Variants in ESR1 observed in about 807,000 individuals in gnomAD.
The protein encoded by ESR1 is estrogen receptor 1.
ESR1 carries 12 observed loss-of-function variants against 52.7 expected under a neutral mutation model. The observed-to-expected ratio is 0.23, with a 90% CI of 0.15 to 0.37. The LOEUF (loss-of-function observed/expected upper bound fraction) is 0.37. Among genes scored for constraint, ESR1 ranks in the 10% least tolerant of loss-of-function variants. The pLI, the probability that ESR1 is intolerant of heterozygous loss-of-function variation, is 1.00. For missense variants in ESR1, 584 were observed against 779.7 expected (o/e 0.75, Z 2.99); for synonymous variants, 305 against 316.8 (o/e 0.96, Z 0.39).
chr6:151,727,507 C>A (rs1481829111), intron 2 of ESR1, among the ~76,000 whole-genome samples: 2 of 152,118 alleles, frequency 1.3e-5, no homozygotes, highest in African/African-American at 4.8e-5. Flanking sequence ...TGGCTGGATT[C>A]ATTAATTTTC....
intron 6 of ESR1, among the ~76,000 whole-genome samples, chr6:152,121,457 A>G (rs1036861382): frequency 6.6e-6 from 1 of 152,168 alleles, no homozygotes; most frequent in African/African-American, 2.4e-5. Context: ...GGAAACAAGA[A>G]TTCAGGAGAT....
intron 2 of ESR1, among the ~76,000 whole-genome samples, chr6:151,848,576 T>C (rs183002062): frequency 2.6e-5 from 4 of 152,258 alleles, no homozygotes; most frequent in Admixed American, 2.6e-4. Context: ...TACATTTATT[T>C]TCATAGTTGT....
downstream of ESR1, among the ~76,000 whole-genome samples, chr6:152,105,019 G>T (rs1018619121): frequency 6.6e-6 from 1 of 152,180 alleles, no homozygotes; most frequent in Non-Finnish European, 1.5e-5. Flanking sequence ...TTCTAGGTTG[G>T]TGAACACTTG....
At chr6:152,103,980 C>CTTT (rs369261779), downstream of ESR1, among the ~76,000 whole-genome samples, 348 of 93,846 alleles carry the variant, frequency 3.7e-3, 9 homozygotes, top group East Asian at 0.015. Flanking sequence ...TTCATTCTAC[C>CTTT]TTTTTTTTTT....
upstream of ESR1, chr6:151,807,620 C>G: frequency 1.8e-6 from 1 of 549,320 alleles, no homozygotes; most frequent in Non-Finnish European, 3.3e-6. Context: ...TCCTCCAGCA[C>G]CTTTGTAATG....
rs115152900 is a variant in ESR1, at chr6:151,737,120, A to C, written c.-71+35115A>C. On this transcript the variant is annotated intron_variant, in intron 2 of 2. Coordinates refer to the ESR1 transcript ENST00000404742. ...GTATGTTCCCAGACCAAAAATTATT[A>C]TTCTTCCCCATGCTTTTTTTCAGCT... Among the ~76,000 whole-genome samples, 768 of 152,210 alleles carry C rather than the reference A, an allele frequency of 5.0e-3. 7 individuals are homozygous for C. Among genetic ancestry groups the C allele is most frequent in the African/African-American group, 0.018 (730 of 41,526 alleles).
At chr6:151,885,327 G>A (rs1793661001) in intron 3 of ESR1, among the ~76,000 whole-genome samples, 1 of 152,132 alleles carries the variant, frequency 6.6e-6, no homozygotes. Flanking sequence ...TGATCAGAAT[G>A]GGAGTCTAGA....
intron 6 of ESR1, among the ~76,000 whole-genome samples, chr6:152,109,693 TAAC>T (rs1285197755): frequency 1.3e-5 from 2 of 152,008 alleles, no homozygotes; most frequent in Admixed American, 1.3e-4. Flanking sequence ...TCTCAAACGA[TAAC>T]AACAACAACA....
chr6:152,080,780 C>T (rs918458020), intron 6 of ESR1, among the ~76,000 whole-genome samples: 1 of 150,464 alleles, frequency 6.6e-6, no homozygotes, highest in East Asian at 2.0e-4. Flanking sequence ...CACATAGGCT[C>T]AAAATAAAGG....
chr6:151,865,022 G>C (rs887051647), intron 2 of ESR1, among the ~76,000 whole-genome samples: 1 of 151,988 alleles, frequency 6.6e-6, no homozygotes, highest in Non-Finnish European at 1.5e-5. Flanking sequence ...CACCAACATG[G>C]CACATGTATA....
chr6:151,899,398 G>A (rs1431874133), intron 3 of ESR1, among the ~76,000 whole-genome samples: 5 of 131,736 alleles, frequency 3.8e-5, no homozygotes, highest in African/African-American at 6.2e-5. Flanking sequence ...CGGGCAGAGG[G>A]GCTCCTCACT....
At chr6:151,698,119 A>G (rs1313771842) in intron 1 of ESR1, among the ~76,000 whole-genome samples, 1 of 151,928 alleles carries the variant, frequency 6.6e-6, no homozygotes, top group Non-Finnish European at 1.5e-5. Context: ...TAATCCTAGC[A>G]CTTTGGGAGG....
At position 151,808,376 on chromosome 6, in the gene ESR1, C is replaced by T. The variant is rs1408523209; in HGVS notation, c.452+12C>T. 2 of 1,317,480 alleles carry T rather than the reference C, an allele frequency of 1.5e-6. No homozygotes were observed. The highest frequency in any genetic ancestry group is 3.3e-5 in the East Asian group (1 of 30,532). 81.6% of individuals were successfully genotyped at this position (1,317,480 alleles called of 1,614,324 possible). On this transcript the variant is annotated intron_variant, in intron 1 of 7. Coordinates refer to ENST00000206249, the MANE Select transcript of ESR1 (RefSeq NM_000125.4). ...CCGGCATTCTACAGGTACCCGCGCCCGCGCCGCCCGTCGGGGTGGCCGCCG... is the reference window on the plus strand; with the variant it reads ...CCGGCATTCTACAGGTACCCGCGCCTGCGCCGCCCGTCGGGGTGGCCGCCG...
rs191272579 is a variant in ESR1 at position 152,006,547 on chromosome 6, A to G, written c.1097-5109A>G. On this transcript the variant is annotated intron_variant, in intron 4 of 7. Coordinates refer to ENST00000206249, the MANE Select transcript of ESR1 (RefSeq NM_000125.4). ...ACAGGAGTCTAGTTCTTCTGATACT[A>G]TATATTCTATAAGCTTTCTCCCAGA... Among the ~76,000 whole-genome samples, 3 of 152,156 alleles carry G rather than the reference A, an allele frequency of 2.0e-5. No individual in the cohort carries two copies. The East Asian group carries it at 5.8e-4, about 29-fold the overall frequency.
chr6:151,740,546 T>C (rs766994946), intron 2 of ESR1, among the ~76,000 whole-genome samples: 1 of 152,030 alleles, frequency 6.6e-6, no homozygotes, highest in Non-Finnish European at 1.5e-5. Flanking sequence ...TACCTCAGCA[T>C]TTTTTCCTCT....
chr6:152,084,114 C>T (rs1462876641), intron 6 of ESR1, among the ~76,000 whole-genome samples: 2 of 152,188 alleles, frequency 1.3e-5, no homozygotes, highest in Non-Finnish European at 2.9e-5. Context: ...GAGTTCCTGT[C>T]CTTTGCAGGG....
At chr6:151,968,434 A>G (rs1215304359) in intron 4 of ESR1, among the ~76,000 whole-genome samples, 1 of 152,194 alleles carries the variant, frequency 6.6e-6, no homozygotes, top group Non-Finnish European at 1.5e-5. Flanking sequence ...GATCTAATTA[A>G]ACTAAAGAGC....
intron 5 of ESR1, among the ~76,000 whole-genome samples, chr6:152,058,062 G>A (rs866286614): frequency 2.6e-5 from 4 of 152,096 alleles, no homozygotes; most frequent in East Asian, 1.9e-4. Context: ...CTCCCCTGCC[G>A]GTGTGCAGTC....
At position 151,955,860 on chromosome 6, in the gene ESR1, C is replaced by T. The variant is rs1267783601; in HGVS notation, c.1096+11352C>T. 4.6e-5 allele frequency among the ~76,000 whole-genome samples: 7 copies of T among 151,676 alleles called. No homozygotes were observed. The East Asian group carries it at 1.4e-3, about 29-fold the overall frequency. ...TAGTACCCAACAGTATTTTTTTTTCCGAACCTCTCCTCCTCTCACCCTCCC... is the reference window on the plus strand; with the variant it reads ...TAGTACCCAACAGTATTTTTTTTTCTGAACCTCTCCTCCTCTCACCCTCCC... On this transcript the variant is annotated intron_variant, in intron 4 of 7. Coordinates refer to ENST00000206249, the MANE Select transcript of ESR1 (RefSeq NM_000125.4).
Sources: gnomAD v4.1 joint callset for allele counts (sites outside exome capture counted in the v4.1 genomes callset) on GRCh38, gnomAD v4.1.1 for gene constraint, MANE v1.5 for transcripts, NCBI Gene and HGNC (gene_info 2026-07-23, HGNC 2026-07-21) for gene names.